Variants in HEPHL1 observed in about 807,000 individuals in gnomAD.
HEPHL1 encodes the protein hephaestin like 1.
In HEPHL1, 123 loss-of-function variants were observed where a neutral mutation model predicts 122.0. The observed-to-expected ratio is 1.01, with a 90% CI of 0.87 to 1.17. The LOEUF (loss-of-function observed/expected upper bound fraction) is 1.17, where lower values mean the gene tolerates loss of function less well. Ranked by LOEUF, HEPHL1 falls within the 50% of genes most tolerant of loss-of-function variation. The pLI, the probability that HEPHL1 is intolerant of heterozygous loss-of-function variation, is 0.00. For missense variants in HEPHL1, 1,452 were observed against 1,430.5 expected (o/e 1.01, Z -0.24); for synonymous variants, 527 against 508.9 (o/e 1.04, Z -0.48).
chr11:94,097,504 G>T (rs988580822), intron 13 of HEPHL1, among the ~76,000 whole-genome samples: 1 of 152,184 alleles, frequency 6.6e-6, no homozygotes, highest in African/African-American at 2.4e-5. Context: ...CTGATTTGGG[G>T]TAGAGAGTTC....
At chr11:94,063,441 A>T in intron 2 of HEPHL1, 67 bp from the exon 3 acceptor site, 1 of 1,256,042 alleles carries the variant, frequency 8.0e-7, no homozygotes, top group Non-Finnish European at 1.1e-6. Context: ...GGCCCTCTCT[A>T]CTATAGCATG....
intron 13 of HEPHL1, 26 bp from the exon 14 acceptor site, chr11:94,101,168 GC>G (rs1327410089): frequency 1.2e-6 from 2 of 1,608,122 alleles, no homozygotes; most frequent in East Asian, 4.5e-5. Flanking sequence ...CAATAATAAT[GC>G]ACACAGGCCT....
intron 1 of HEPHL1, among the ~76,000 whole-genome samples, chr11:94,037,879 T>C (rs978817733): frequency 2.6e-5 from 4 of 151,914 alleles, no homozygotes; most frequent in African/African-American, 9.7e-5. Flanking sequence ...AGAATGATTT[T>C]GCCGAGCTGA....
At chr11:94,021,863 A>G (rs1945585146) in intron 1 of HEPHL1, among the ~76,000 whole-genome samples, 1 of 152,200 alleles carries the variant, frequency 6.6e-6, no homozygotes, top group Non-Finnish European at 1.5e-5. Context: ...TTTAAATGAC[A>G]ACACTTGGGA....
chr11:94,073,130 ACT>A lies in HEPHL1; in HGVS notation c.1343_1344del (p.Ser448CysfsTer2), dbSNP rs771134465. On this transcript the variant is annotated frameshift_variant, in exon 7 of 20. Coordinates refer to ENST00000315765, the MANE Select transcript of HEPHL1 (RefSeq NM_001098672.2). LOFTEE classifies it high-confidence loss of function. Reference protein sequence around the residue: ...VDATFTKRKRLSAEEAHLGIL... With the variant: ...VDATFTKRKRXSAEEAHLGIL... ...ATGCAACTTTTACTAAAAGAAAGAGACTCTCTGCTGAAGAAGCCCATCTTGGA... is the reference window on the plus strand; with the variant it reads ...ATGCAACTTTTACTAAAAGAAAGAGACTCTGCTGAAGAAGCCCATCTTGGA... 2 of 1,612,914 alleles carry A rather than the reference ACT, an allele frequency of 1.2e-6. No individual in the cohort carries two copies. The highest frequency in any genetic ancestry group is 1.1e-5 in the South Asian group (1 of 90,998).
At chr11:94,055,518 C>T (rs1343530865) in intron 2 of HEPHL1, 3 of 240,070 alleles carry the variant, frequency 1.2e-5, no homozygotes, top group East Asian at 2.4e-4. Flanking sequence ...TCCGTAAGGT[C>T]GTTGTTAACC....
At chr11:94,087,123 C>G (rs561824536) in intron 11 of HEPHL1, among the ~76,000 whole-genome samples, 29 of 152,232 alleles carry the variant, frequency 1.9e-4, no homozygotes, top group African/African-American at 6.0e-4. Flanking sequence ...TGAACTTTTC[C>G]TAGTGTCCAG....
rs755204294 is a variant in HEPHL1, at chr11:94,021,463, G to A, written c.95G>A (p.Gly32Glu). ...VGTVTRTYYI[G>E]IVEEYWNYVP... ...ACAGTTACCAGAACGTACTACATTG[G>A]GATTGTGGAAGAATACTGGAACTAT... The change falls in exon 1 of 20, where the codon GGG (glycine) becomes GAG (glutamate). Residue 32 changes from glycine (G) to glutamate (E), a missense_variant. Transcript: ENST00000315765. 14 of 1,613,206 alleles carry A rather than the reference G, an allele frequency of 8.7e-6. No homozygotes were observed. Among genetic ancestry groups the A allele is most frequent in the Non-Finnish European group, 1.2e-5 (14 of 1,179,266 alleles).
Position 94,112,444 on chromosome 11 carries a change from T to A in HEPHL1, c.*550T>A, listed in dbSNP as rs2134457822. ...TAGACCAAATAAATTTTTTGGAGGCTTTAACCAGCTCTCCTGGCCTTTTCC... is the reference window on the plus strand; with the variant it reads ...TAGACCAAATAAATTTTTTGGAGGCATTAACCAGCTCTCCTGGCCTTTTCC... On this transcript the variant is annotated 3_prime_UTR_variant, in exon 20 of 20. Transcript: ENST00000315765. 6.6e-6 allele frequency: 1 copy of A among 152,366 alleles called. No individual in the cohort carries two copies. 9.4% of individuals were successfully genotyped at this position (152,366 alleles called of 1,614,324 possible).
At chr11:94,079,331 A>G (rs1317382065) in intron 9 of HEPHL1, among the ~76,000 whole-genome samples, 1 of 152,204 alleles carries the variant, frequency 6.6e-6, no homozygotes, top group Non-Finnish European at 1.5e-5. Flanking sequence ...CACATAGCCC[A>G]TGATCTTTTA....
rs948324881 is a variant in HEPHL1 at position 94,112,832 on chromosome 11, G to A, written c.*938G>A. The A allele has an allele frequency of 1.3e-5, 2 of 152,208 alleles. No individual in the cohort carries two copies. The highest frequency in any genetic ancestry group is 4.8e-5 in the African/African-American group (2 of 41,450). The allele number at this position is 152,208 out of a possible 1,614,324, so 9.4% of individuals were successfully genotyped here. A position where few individuals can be genotyped will look rare whatever the true frequency, so the allele number is the denominator to read the frequency against. On this transcript the variant is annotated 3_prime_UTR_variant, in exon 20 of 20. Transcript: ENST00000315765. ...TGGAGTCTGATTTTTCATTCAGTTA[G>A]AGGGAATCTTTACAAGTCCTCATCT... is the stretch of plus-strand genomic sequence containing the variant.
At chr11:94,110,194 TCCTTTTC>T (rs1946437360) in intron 17 of HEPHL1, among the ~76,000 whole-genome samples, 1 of 152,212 alleles carries the variant, frequency 6.6e-6, no homozygotes, top group Non-Finnish European at 1.5e-5. Context: ...TTTTAATGTG[TCCTTTTC>T]CCTTTTCCCT....
At position 94,086,761 on chromosome 11, in the gene HEPHL1, A is replaced by G. The variant is rs150770136; in HGVS notation, c.2080+572A>G. Reference sequence around the variant, plus strand: ...CCCCTGTATAATGCCAGTACCTGGAACTTCTTCTCTTAGAGATTCCAAGCT... The same window carrying G: ...CCCCTGTATAATGCCAGTACCTGGAGCTTCTTCTCTTAGAGATTCCAAGCT... On this transcript the variant is annotated intron_variant, in intron 11 of 19. Transcript: ENST00000315765. Among the ~76,000 whole-genome samples the G allele has an allele frequency of 2.0e-4, 30 of 152,314 alleles. No homozygotes were observed. In the East Asian group the frequency reaches 5.0e-3, roughly 25 times the overall value.
chr11:94,023,681 A>G (rs1308458531), intron 1 of HEPHL1, among the ~76,000 whole-genome samples: 1 of 152,202 alleles, frequency 6.6e-6, no homozygotes, highest in African/African-American at 2.4e-5. Flanking sequence ...CTGGCATGCT[A>G]AGGTGTCATA....
chr11:94,067,791 TA>T, intron 5 of HEPHL1, 41 bp downstream of exon 5: 1 of 1,594,422 alleles, frequency 6.3e-7, no homozygotes, highest in Non-Finnish European at 8.6e-7. Flanking sequence ...TTTAGAATGG[TA>T]CAATCAAACC....
rs370812810 is a variant in HEPHL1, at chr11:94,102,954, C to T, written c.2616C>T (p.Ser872=). ...KTYRWNIPKR[S]GPGPSDPNCI... The stretch of plus-strand genomic sequence containing the variant: ...ATAGATGGAATATCCCTAAAAGATC[C>T]GGTCCAGGGCCTTCTGATCCCAATT... The change falls in exon 15 of 20, where the codon TCC becomes TCT. Residue 872 remains serine (S), a synonymous_variant. Transcript: ENST00000315765. 66 of 1,607,726 alleles carry T rather than the reference C, an allele frequency of 4.1e-5. No individual in the cohort carries two copies. Among genetic ancestry groups the T allele is most frequent in the South Asian group, 2.3e-4 (21 of 90,894 alleles).
intron 1 of HEPHL1, among the ~76,000 whole-genome samples, chr11:94,032,535 C>T (rs968020235): frequency 1.3e-5 from 2 of 152,132 alleles, no homozygotes; most frequent in Non-Finnish European, 2.9e-5. Flanking sequence ...TGGCTGTAAA[C>T]CCCATTTGTT....
chr11:94,030,696 G>A (rs951474977), intron 1 of HEPHL1, among the ~76,000 whole-genome samples: 2 of 152,224 alleles, frequency 1.3e-5, no homozygotes, highest in African/African-American at 4.8e-5. Context: ...TTGCAAGCAA[G>A]TCTGAGAAAT....
chr11:94,103,655 C>T (rs1041232128), intron 15 of HEPHL1, among the ~76,000 whole-genome samples: 10 of 152,114 alleles, frequency 6.6e-5, no homozygotes, highest in Non-Finnish European at 1.5e-4. Context: ...CAACCACAGT[C>T]TTTAATTACA....
Sources: allele counts gnomAD v4.1 joint callset (sites outside exome capture counted in the v4.1 genomes callset), GRCh38; gene constraint gnomAD v4.1.1; transcripts MANE v1.5; gene names NCBI Gene and HGNC (gene_info 2026-07-23, HGNC 2026-07-21).